The following NPSR1 variants were observed in gnomAD, a reference collection of about 807,000 sequenced individuals.
The protein encoded by NPSR1 is neuropeptide S receptor.
NPSR1 carries 48 observed loss-of-function variants against 46.9 expected under a neutral mutation model. That is an observed-to-expected ratio of 1.02 (90% CI 0.81 to 1.30). The LOEUF (loss-of-function observed/expected upper bound fraction) is 1.30, where lower values mean the gene tolerates loss of function less well. Ranked by LOEUF, NPSR1 falls within the 50% of genes most tolerant of loss-of-function variation. The pLI is 0.00. For missense variants in NPSR1, 450 were observed against 449.5 expected (o/e 1.00, Z -0.01); for synonymous variants, 176 against 168.1 (o/e 1.05, Z -0.36).
Position 34,724,124 on chromosome 7 carries a change from A to G in NPSR1, c.280+39440A>G, listed in dbSNP as rs1348160838. Among the ~76,000 whole-genome samples, 3 of 152,310 alleles carry G rather than the reference A, an allele frequency of 2.0e-5. No individual in the cohort carries two copies. In the East Asian group the frequency reaches 5.8e-4, roughly 29 times the overall value. On this transcript the variant is annotated intron_variant, in intron 2 of 8. Coordinates refer to ENST00000360581, the MANE Select transcript of NPSR1 (RefSeq NM_207172.2). The stretch of plus-strand genomic sequence containing the variant: ...CAAAATCACCCAAACCTGAATTACT[A>G]GCTCATTTCTCCAAAAGCATAATTA...
intron 8 of NPSR1, among the ~76,000 whole-genome samples, chr7:34,855,193 G>A (rs1376509388): frequency 1.3e-5 from 2 of 152,016 alleles, no homozygotes; most frequent in African/African-American, 4.8e-5. Flanking sequence ...TCTATCTTAT[G>A]AAGTTAGAAA....
chr7:34,830,506 G>C (rs1301466114), intron 5 of NPSR1, among the ~76,000 whole-genome samples: 1 of 152,088 alleles, frequency 6.6e-6, no homozygotes, highest in Non-Finnish European at 1.5e-5. Flanking sequence ...GCCATTGAAA[G>C]TAATGCCACT....
intron 2 of NPSR1, among the ~76,000 whole-genome samples, chr7:34,724,461 G>C (rs373289051): frequency 9.4e-4 from 143 of 152,328 alleles, no homozygotes; most frequent in South Asian, 2.9e-3. Flanking sequence ...AAACATTTGT[G>C]AGGAAAAGGT....
intron 2 of NPSR1, among the ~76,000 whole-genome samples, chr7:34,692,950 G>A (rs1332226632): frequency 6.6e-6 from 1 of 152,152 alleles, no homozygotes; most frequent in Non-Finnish European, 1.5e-5. Flanking sequence ...GGTAGGGCCT[G>A]GTGGAAAGTG....
At chr7:34,677,468 G>A (rs766595604) in intron 1 of NPSR1, among the ~76,000 whole-genome samples, 1 of 152,182 alleles carries the variant, frequency 6.6e-6, no homozygotes, top group Admixed American at 6.5e-5. Context: ...TGAGTTCACT[G>A]ATTTTATTCT....
At chr7:34,745,168 C>A (rs34096664) in intron 2 of NPSR1, among the ~76,000 whole-genome samples, 1 of 152,074 alleles carries the variant, frequency 6.6e-6, no homozygotes, top group Non-Finnish European at 1.5e-5. Flanking sequence ...TAGTCACTAC[C>A]ATAGTGCCTC....
At chr7:34,805,371 C>T (rs945955951) in intron 3 of NPSR1, among the ~76,000 whole-genome samples, 5 of 145,454 alleles carry the variant, frequency 3.4e-5, no homozygotes, top group Admixed American at 1.4e-4. Context: ...CAGAAATAGA[C>T]ATACAAAAAG....
intron 2 of NPSR1, chr7:34,750,871 AG>A (rs756652031): frequency 3.7e-5 from 26 of 703,218 alleles, no homozygotes; most frequent in Non-Finnish European, 6.5e-5. Flanking sequence ...GTGATGATGT[AG>A]GAGAAGAACT....
chr7:34,687,365 G>C (rs2128686549), intron 2 of NPSR1, among the ~76,000 whole-genome samples: 1 of 152,288 alleles, frequency 6.6e-6, no homozygotes, highest in Middle Eastern at 3.4e-3. Flanking sequence ...ACACTGCTAT[G>C]AAGAAATTCT....
intron 2 of NPSR1, among the ~76,000 whole-genome samples, chr7:34,692,579 A>C (rs1251138784): frequency 6.6e-6 from 1 of 152,230 alleles, no homozygotes; most frequent in African/African-American, 2.4e-5. Context: ...TATAGAATTC[A>C]ATGCTTACAC....
At chr7:34,825,376 C>G (rs1204110093) in intron 4 of NPSR1, among the ~76,000 whole-genome samples, 1 of 152,196 alleles carries the variant, frequency 6.6e-6, no homozygotes, top group African/African-American at 2.4e-5. Context: ...TAAACTAAGT[C>G]TAGTGAGAGG....
intron 8 of NPSR1, among the ~76,000 whole-genome samples, chr7:34,869,568 C>T (rs759868054): frequency 6.6e-6 from 1 of 151,688 alleles, no homozygotes; most frequent in African/African-American, 2.4e-5. Context: ...GCCCTCCTTA[C>T]CTCTAGCAAT....
chr7:34,733,198 G>A (rs1163527792), intron 2 of NPSR1, among the ~76,000 whole-genome samples: 2 of 152,094 alleles, frequency 1.3e-5, no homozygotes, highest in Non-Finnish European at 2.9e-5. Context: ...ACAGTGGGTG[G>A]ATCACGAGGT....
intron 3 of NPSR1, among the ~76,000 whole-genome samples, chr7:34,782,069 C>T (rs566081504): frequency 9.7e-4 from 147 of 152,304 alleles, no homozygotes; most frequent in African/African-American, 2.9e-3. Context: ...TAGAAAGCTA[C>T]GCCTTGCCCC....
intron 7 of NPSR1, among the ~76,000 whole-genome samples, chr7:34,847,414 G>A (rs569376578): frequency 1.3e-5 from 2 of 152,186 alleles, no homozygotes; most frequent in South Asian, 4.1e-4. Context: ...GAGAGAGAGA[G>A]AGAGAGGTTT....
At chr7:34,845,382 C>T (rs1199953411) in intron 7 of NPSR1, among the ~76,000 whole-genome samples, 1 of 152,160 alleles carries the variant, frequency 6.6e-6, no homozygotes, top group Non-Finnish European at 1.5e-5. Flanking sequence ...ATGTTAGGTT[C>T]ACTACAAATT....
At chr7:34,803,043 C>T (rs1053850369) in intron 3 of NPSR1, among the ~76,000 whole-genome samples, 11 of 149,704 alleles carry the variant, frequency 7.3e-5, no homozygotes, top group African/African-American at 1.3e-4. Context: ...GTTAGAATGG[C>T]AATCATTAAA....
chr7:34,834,947 A>G (rs546007850), intron 6 of NPSR1, among the ~76,000 whole-genome samples: 60 of 152,214 alleles, frequency 3.9e-4, no homozygotes, highest in Non-Finnish European at 7.2e-4. Flanking sequence ...CCCAACTGAC[A>G]CACCAATTCA....
At chr7:34,789,595 C>A (rs1787626380) in intron 3 of NPSR1, among the ~76,000 whole-genome samples, 1 of 151,710 alleles carries the variant, frequency 6.6e-6, no homozygotes, top group Non-Finnish European at 1.5e-5. Flanking sequence ...GAGTTTGACA[C>A]CAGCCTGACC....
Sources: allele counts gnomAD v4.1 joint callset (sites outside exome capture counted in the v4.1 genomes callset), GRCh38; gene constraint gnomAD v4.1.1; transcripts MANE v1.5; gene names NCBI Gene and HGNC (gene_info 2026-07-23, HGNC 2026-07-21).